The following PLGRKT variants were observed in gnomAD, a reference collection of about 807,000 sequenced individuals.
The protein encoded by PLGRKT is plasminogen receptor with a C-terminal lysine, also known as plasminogen receptor (KT).
A neutral mutation model predicts 18.5 loss-of-function variants in PLGRKT; 22 were observed. That is an observed-to-expected ratio of 1.19 (90% CI 0.85 to 1.70). The LOEUF is 1.70. PLGRKT is among the 40% of genes most tolerant of loss of function. PLGRKT has a pLI of 0.00. For missense variants in PLGRKT, 235 were observed against 174.4 expected (o/e 1.35, Z -1.96); for synonymous variants, 72 against 52.8 (o/e 1.36, Z -1.58).
intron 3 of PLGRKT, among the ~76,000 whole-genome samples, chr9:5,362,136 G>C (rs1447181661): frequency 1.3e-5 from 2 of 152,184 alleles, no homozygotes; most frequent in East Asian, 1.9e-4. Context: ...CTGAGGTCTT[G>C]ACTGCCTGTG....
At chr9:5,435,043 T>C (rs534982245) in intron 2 of PLGRKT, among the ~76,000 whole-genome samples, 74 of 152,014 alleles carry the variant, frequency 4.9e-4, no homozygotes, top group African/African-American at 1.5e-3. Flanking sequence ...CTCTGAAACA[T>C]GTGCTGTGTC....
chr9:5,386,257 G>C (rs1817840770), intron 3 of PLGRKT, among the ~76,000 whole-genome samples: 1 of 151,838 alleles, frequency 6.6e-6, no homozygotes, highest in Non-Finnish European at 1.5e-5. Context: ...TGACACAAAT[G>C]AGAGTAAAAC....
At chr9:5,408,244 G>C (rs993845893) in intron 3 of PLGRKT, among the ~76,000 whole-genome samples, 1 of 152,200 alleles carries the variant, frequency 6.6e-6, no homozygotes, top group African/African-American at 2.4e-5. Context: ...TCTTCCTAGA[G>C]ACTTGCTGAA....
intron 3 of PLGRKT, among the ~76,000 whole-genome samples, chr9:5,424,668 T>TTTTA (rs1554634176): frequency 3.5e-5 from 4 of 113,170 alleles, no homozygotes; most frequent in Non-Finnish European, 6.5e-5. Context: ...ATTATATATT[T>TTTTA]TATATATATA....
intron 3 of PLGRKT, among the ~76,000 whole-genome samples, chr9:5,407,652 C>CA (rs995501858): frequency 0.021 from 3,038 of 141,712 alleles, 91 homozygotes; most frequent in African/African-American, 0.069. Flanking sequence ...ACAAATTTTT[C>CA]AAAAAAAAAA....
At chr9:5,379,895 G>A (rs1161145496) in intron 3 of PLGRKT, among the ~76,000 whole-genome samples, 2 of 152,126 alleles carry the variant, frequency 1.3e-5, no homozygotes, top group South Asian at 2.1e-4. Context: ...ATAATTTCAT[G>A]TCCGGGAAGT....
At chr9:5,381,239 T>A (rs1469623000) in intron 3 of PLGRKT, among the ~76,000 whole-genome samples, 1 of 152,218 alleles carries the variant, frequency 6.6e-6, no homozygotes, top group Non-Finnish European at 1.5e-5. Flanking sequence ...TTCAGAGCTG[T>A]TCGTGGCAGC....
intron 3 of PLGRKT, among the ~76,000 whole-genome samples, chr9:5,399,125 T>C: frequency 6.6e-6 from 1 of 151,758 alleles, no homozygotes; most frequent in East Asian, 1.9e-4. Context: ...TCCTTATTCC[T>C]ATTCCTTACT....
At chr9:5,393,638 T>A (rs1487563160) in intron 3 of PLGRKT, among the ~76,000 whole-genome samples, 1 of 151,874 alleles carries the variant, frequency 6.6e-6, no homozygotes, top group African/African-American at 2.4e-5. Context: ...AAATGAGCTG[T>A]GCTGCTCATT....
chr9:5,365,340 A>C (rs1238403805), intron 3 of PLGRKT, among the ~76,000 whole-genome samples: 1 of 152,228 alleles, frequency 6.6e-6, no homozygotes, highest in Non-Finnish European at 1.5e-5. Context: ...AAAATAAATA[A>C]CATAGTGTTG....
At chr9:5,360,882 T>C (rs929638330) in intron 5 of PLGRKT, among the ~76,000 whole-genome samples, 196 bp downstream of exon 5, 24 of 152,332 alleles carry the variant, frequency 1.6e-4, no homozygotes, top group African/African-American at 5.5e-4. Flanking sequence ...CCTGAAAATG[T>C]AGCGATTGGT....
chr9:5,383,970 C>A (rs750606829), intron 3 of PLGRKT, among the ~76,000 whole-genome samples: 1 of 152,152 alleles, frequency 6.6e-6, no homozygotes, highest in East Asian at 1.9e-4. Flanking sequence ...GCTGAATTTG[C>A]GGGGCCTGGG....
At position 5,430,383 on chromosome 9, in the gene PLGRKT, T is replaced by A. The variant is rs76623852; in HGVS notation, c.81+1514A>T. ...AACCTAATACTTGGTCTCGCCTAGG[T>A]CACTGCTCTGTTACAATAATTCAGT... On this transcript the variant is annotated intron_variant, in intron 3 of 5. Transcript: ENST00000223864. 7.4e-3 allele frequency among the ~76,000 whole-genome samples: 1,133 copies of A among 152,356 alleles called. 14 individuals carry two copies. Among genetic ancestry groups the A allele is most frequent in the African/African-American group, 0.026 (1,088 of 41,582 alleles).
intron 3 of PLGRKT, among the ~76,000 whole-genome samples, chr9:5,373,336 C>G (rs1019667121): frequency 6.6e-5 from 10 of 152,158 alleles, no homozygotes; most frequent in African/African-American, 2.2e-4. Flanking sequence ...TATCTAATTC[C>G]TCAGAGAACT....
At chr9:5,406,288 T>C (rs1818255677) in intron 3 of PLGRKT, among the ~76,000 whole-genome samples, 1 of 152,202 alleles carries the variant, frequency 6.6e-6, no homozygotes, top group Non-Finnish European at 1.5e-5. Context: ...TAAATCATTC[T>C]GTTATAAAGA....
In PLGRKT at chr9:5,418,670, G is replaced by T; in HGVS notation, c.81+13227C>A. The T allele has an allele frequency of 1.5e-6, 1 of 674,260 alleles. No homozygotes were observed. The allele number at this position is 674,260 out of a possible 1,614,324, so 41.8% of individuals were successfully genotyped here. A position where few individuals can be genotyped will look rare whatever the true frequency, so the allele number is the denominator to read the frequency against. On this transcript the variant is annotated intron_variant, in intron 3 of 5. Transcript: ENST00000223864. The surrounding 1 kb of genome is among the most constrained non-coding windows in gnomAD (Gnocchi z 4.2). ...AGCGCGTGCTCCTTGGAGATGGGCA[G>T]GGGCAGCATGTAGCACCCACTGCCG...
intron 3 of PLGRKT, chr9:5,381,882 G>GA (rs1817753842): frequency 1.0e-6 from 1 of 984,696 alleles, no homozygotes; most frequent in South Asian, 4.7e-5. Context: ...AGATCCTTAA[G>GA]TTGTACCAAA....
intron 3 of PLGRKT, among the ~76,000 whole-genome samples, chr9:5,388,557 C>T (rs778558875): frequency 9.2e-5 from 14 of 151,980 alleles, no homozygotes; most frequent in Non-Finnish European, 1.5e-4. Context: ...TTCACTCTTT[C>T]CCCAGCCCTT....
intron 3 of PLGRKT, among the ~76,000 whole-genome samples, chr9:5,375,914 G>A (rs1817617710): frequency 6.6e-6 from 1 of 152,184 alleles, no homozygotes; most frequent in Non-Finnish European, 1.5e-5. Flanking sequence ...ATTCATAGCA[G>A]CATTATTCAC....
Sources: allele counts gnomAD v4.1 joint callset (sites outside exome capture counted in the v4.1 genomes callset), GRCh38; gene constraint gnomAD v4.1.1; non-coding constraint Gnocchi (gnomAD v3.1); transcripts MANE v1.5; gene names NCBI Gene and HGNC (gene_info 2026-07-23, HGNC 2026-07-21).